The following ROBO2 variants were observed in gnomAD, a reference collection of about 807,000 sequenced individuals.
ROBO2 encodes the protein roundabout homolog 2.
Under a neutral mutation model 160.8 loss-of-function variants are expected in ROBO2, and 53 were observed. The observed-to-expected ratio is 0.33, with a 90% CI of 0.26 to 0.41. The LOEUF (loss-of-function observed/expected upper bound fraction) is 0.41. Ranked by LOEUF, ROBO2 falls within the 10% of genes least tolerant of loss-of-function variation. The pLI is 1.00. For missense variants in ROBO2, 1,577 were observed against 1,722.4 expected (o/e 0.92, Z 1.49); for synonymous variants, 664 against 611.7 (o/e 1.09, Z -1.26).
intron 2 of ROBO2, among the ~76,000 whole-genome samples, chr3:76,099,772 A>T (rs2069605576): frequency 6.6e-6 from 1 of 152,188 alleles, no homozygotes; most frequent in Non-Finnish European, 1.5e-5. Context: ...ACGTAAGAGA[A>T]AGAAGGAAGG....
chr3:77,367,278 G>A (rs899029245), intron 2 of ROBO2, among the ~76,000 whole-genome samples: 2 of 152,208 alleles, frequency 1.3e-5, no homozygotes, highest in South Asian at 4.1e-4. Context: ...TAAGCAAAGT[G>A]AAAAGGTGAT....
chr3:77,222,232 A>T (rs2085913562), intron 2 of ROBO2, among the ~76,000 whole-genome samples: 1 of 152,170 alleles, frequency 6.6e-6, no homozygotes, highest in Admixed American at 6.6e-5. Flanking sequence ...ATTTATTTTT[A>T]AAAGTTGAGA....
chr3:76,030,442 A>G (rs1410278268), intron 2 of ROBO2, among the ~76,000 whole-genome samples: 1 of 152,196 alleles, frequency 6.6e-6, no homozygotes, highest in African/African-American at 2.4e-5. Context: ...GTCCTTGCCC[A>G]TGCCTATGTC....
chr3:77,115,371 T>C (rs546616965), intron 2 of ROBO2, among the ~76,000 whole-genome samples: 1 of 152,338 alleles, frequency 6.6e-6, no homozygotes, highest in East Asian at 1.9e-4. Context: ...ACTTGTTTAA[T>C]AAGTTCTTCC....
intron 6 of ROBO2, among the ~76,000 whole-genome samples, chr3:77,532,818 AAG>A (rs2091844384): frequency 6.6e-6 from 1 of 151,778 alleles, no homozygotes; most frequent in Non-Finnish European, 1.5e-5. Context: ...TCGTTTTTAA[AAG>A]AGAGATTTCA....
At chr3:76,983,684 T>G (rs750233296) in intron 2 of ROBO2, among the ~76,000 whole-genome samples, 33 of 152,300 alleles carry the variant, frequency 2.2e-4, no homozygotes, top group Non-Finnish European at 3.8e-4. Context: ...AAGTACCTAT[T>G]ATATGATAGA....
Position 76,607,102 on chromosome 3 carries a change from G to A in ROBO2, c.110-490912G>A, listed in dbSNP as rs145401001. Among the ~76,000 whole-genome samples, 377 of 152,218 alleles carry A rather than the reference G, an allele frequency of 2.5e-3. 1 individual carries two copies. Among genetic ancestry groups the A allele is most frequent in the African/African-American group, 8.7e-3 (361 of 41,522 alleles). ...ATGCTGCCCAGCCTAGAGCGCCGTG[G>A]CTAGTCACAGATGTGATCATGGTGC... On this transcript the variant is annotated intron_variant, in intron 2 of 26. Coordinates refer to the ROBO2 transcript ENST00000487694.
intron 2 of ROBO2, among the ~76,000 whole-genome samples, chr3:76,155,426 G>A (rs1290218296): frequency 6.6e-6 from 1 of 152,028 alleles, no homozygotes; most frequent in Non-Finnish European, 1.5e-5. Flanking sequence ...AAAAAATGGA[G>A]AGAAACAGAC....
chr3:76,585,462 T>G (rs1239790034), intron 2 of ROBO2, among the ~76,000 whole-genome samples: 1 of 152,180 alleles, frequency 6.6e-6, no homozygotes, highest in East Asian at 1.9e-4. Flanking sequence ...GAATGGTTGT[T>G]AAAGCACCGA....
At chr3:77,641,950 A>G (rs912880645) in intron 24 of ROBO2, among the ~76,000 whole-genome samples, 2 of 152,118 alleles carry the variant, frequency 1.3e-5, no homozygotes, top group Non-Finnish European at 2.9e-5. Context: ...TCTATCTCAA[A>G]TTTCTGTGAG....
intron 2 of ROBO2, among the ~76,000 whole-genome samples, chr3:76,790,646 G>C (rs1289192958): frequency 6.6e-6 from 1 of 151,594 alleles, no homozygotes; most frequent in Admixed American, 6.6e-5. Flanking sequence ...TTTTAATAAA[G>C]TATCAACTAC....
intron 2 of ROBO2, among the ~76,000 whole-genome samples, chr3:76,522,428 C>G (rs1479364742): frequency 6.6e-6 from 1 of 151,810 alleles, no homozygotes; most frequent in Non-Finnish European, 1.5e-5. Flanking sequence ...TACAGCTGAC[C>G]AAAAATGAGA....
chr3:76,266,942 A>G (rs1468389568), intron 2 of ROBO2, among the ~76,000 whole-genome samples: 1 of 152,200 alleles, frequency 6.6e-6, no homozygotes, highest in Non-Finnish European at 1.5e-5. Flanking sequence ...ATTCAATTAG[A>G]TATTTTAAAA....
At chr3:76,619,107 G>A (rs1354968595) in intron 2 of ROBO2, among the ~76,000 whole-genome samples, 2 of 151,698 alleles carry the variant, frequency 1.3e-5, no homozygotes, top group Non-Finnish European at 2.9e-5. Flanking sequence ...TTGGGAGGCC[G>A]AGGCGGGCGG....
At chr3:77,483,780 A>AT (rs2084993021) in intron 4 of ROBO2, among the ~76,000 whole-genome samples, 1 of 148,158 alleles carries the variant, frequency 6.7e-6, no homozygotes, top group South Asian at 2.1e-4. Flanking sequence ...ATATAATAAA[A>AT]ATATATATAA....
intron 2 of ROBO2, among the ~76,000 whole-genome samples, chr3:76,304,702 T>C (rs2107752494): frequency 1.3e-5 from 2 of 148,762 alleles, no homozygotes; most frequent in Middle Eastern, 6.9e-3. Flanking sequence ...TTGTTGTTGT[T>C]TTATTTTCTT....
chr3:76,336,161 C>A (rs1345107801), intron 2 of ROBO2, among the ~76,000 whole-genome samples: 2 of 152,132 alleles, frequency 1.3e-5, no homozygotes, highest in African/African-American at 4.8e-5. Context: ...GACCTAAAAT[C>A]TTGTTCTCAT....
intron 2 of ROBO2, among the ~76,000 whole-genome samples, chr3:76,532,770 C>T (rs933503491): frequency 6.6e-6 from 1 of 152,174 alleles, no homozygotes; most frequent in Non-Finnish European, 1.5e-5. Context: ...AACAGTTCTA[C>T]ATTGATAATC....
intron 4 of ROBO2, among the ~76,000 whole-genome samples, chr3:77,485,515 T>C (rs1224487915): frequency 6.6e-6 from 1 of 152,076 alleles, no homozygotes; most frequent in African/African-American, 2.4e-5. Context: ...TTACCTTAGT[T>C]TGACACTCTT....
Sources: gnomAD v4.1 joint callset for allele counts (sites outside exome capture counted in the v4.1 genomes callset) on GRCh38, gnomAD v4.1.1 for gene constraint, MANE v1.5 for transcripts, NCBI Gene and HGNC (gene_info 2026-07-23, HGNC 2026-07-21) for gene names.